SLFN12L: variants seen among roughly 807,000 people sequenced by gnomAD.
SLFN12L encodes schlafen family member 12 like.
SLFN12L carries 34 observed loss-of-function variants against 34.8 expected under a neutral mutation model. The ratio of observed to expected loss-of-function variants is 0.98; its 90% CI spans 0.74 to 1.30. SLFN12L has a LOEUF of 1.30. Ranked by LOEUF, SLFN12L falls within the 50% of genes most tolerant of loss-of-function variation. The pLI, the probability that SLFN12L is intolerant of heterozygous loss-of-function variation, is 0.00. For synonymous variants in SLFN12L, 259 were observed against 247.5 expected (o/e 1.05, Z -0.44); for missense variants, 703 against 696.2 (o/e 1.01, Z -0.11).
chr17:35,530,642 A>T (rs1351852765), intron 1 of SLFN12L, among the ~76,000 whole-genome samples: 1 of 152,024 alleles, frequency 6.6e-6, no homozygotes, highest in Non-Finnish European at 1.5e-5. Flanking sequence ...GGACGTGGTA[A>T]ATCTGACAAA....
At chr17:35,495,063 C>T (rs1914997499) in intron 2 of SLFN12L, among the ~76,000 whole-genome samples, 1 of 151,938 alleles carries the variant, frequency 6.6e-6, no homozygotes, top group African/African-American at 2.4e-5. Context: ...CACACTGGCT[C>T]ATTTTTGTTT....
intron 2 of SLFN12L, among the ~76,000 whole-genome samples, chr17:35,495,962 C>T (rs922515973): frequency 1.3e-5 from 2 of 150,958 alleles, no homozygotes; most frequent in Admixed American, 6.6e-5. Flanking sequence ...AACGCCAAGA[C>T]GTGCCAGTGT....
intron 2 of SLFN12L, among the ~76,000 whole-genome samples, chr17:35,521,355 G>A (rs532887586): frequency 9.6e-4 from 146 of 152,352 alleles, no homozygotes; most frequent in African/African-American, 3.3e-3. Flanking sequence ...ATGTGGTAAT[G>A]AAAGAGGGAA....
chr17:35,535,252 G>A (rs1174945430), intron 1 of SLFN12L, among the ~76,000 whole-genome samples: 3 of 148,832 alleles, frequency 2.0e-5, no homozygotes, highest in African/African-American at 7.5e-5. Context: ...GTGCAATGGC[G>A]TGATCTCGGC....
At chr17:35,530,436 GAAGGGAAGAAAGAAAGAAAGA>G (rs2072390164) in intron 1 of SLFN12L, among the ~76,000 whole-genome samples, 1 of 8,840 alleles carries the variant, frequency 1.1e-4, no homozygotes, top group Non-Finnish European at 2.3e-4. Context: ...GAAGGGAAGG[GAAGGGAAGAAAGAAAGAAAGA>G]AAGAAAGAAA....
chr17:35,479,846 G>C lies in SLFN12L; in HGVS notation c.436C>G (p.His146Asp). Residue 146 changes from histidine (H) to aspartate (D), a missense_variant, in exon 3 of 5, where the codon CAC becomes GAC. By Grantham distance (81) the His-to-Asp change is moderately conservative (BLOSUM62 -1). Transcript: ENST00000628453. Reference sequence around the variant, plus strand: ...AAGCTCCATGATTTCACAAAAATGTGAAAGTAGTTACCATTCTGCATGAAG... The same window carrying C: ...AAGCTCCATGATTTCACAAAAATGTCAAAGTAGTTACCATTCTGCATGAAG... ...LDFMQNGNYF[H>D]IFVKSWSLET... 6.2e-7 allele frequency: 1 copy of C among 1,606,494 alleles called. No homozygotes were observed. Among genetic ancestry groups the C allele is most frequent in the Non-Finnish European group, 8.5e-7 (1 of 1,175,730 alleles).
Position 35,498,299 on chromosome 17 carries a change from C to T in SLFN12L, c.87-18104G>A, listed in dbSNP as rs1373176927. 9.7e-6 allele frequency: 8 copies of T among 821,488 alleles called. No homozygotes were observed. In the African/African-American group the frequency reaches 1.0e-4, roughly 10 times the overall value. 50.9% of individuals were successfully genotyped at this position (821,488 alleles called of 1,614,324 possible). ...GGCAGTACGTGGACTCAGACGGTCC[C>T]CTGAAGCAAGGACTGCGGCTGCCAC... On this transcript the variant is annotated intron_variant, in intron 2 of 4. Transcript: ENST00000628453.
At chr17:35,496,335 T>C (rs1915073144) in intron 2 of SLFN12L, among the ~76,000 whole-genome samples, 1 of 151,770 alleles carries the variant, frequency 6.6e-6, no homozygotes, top group African/African-American at 2.4e-5. Context: ...GCGACAAGAG[T>C]GAGACCCACT....
chr17:35,499,001 T>C (rs1915197479), intron 2 of SLFN12L: 1 of 710,266 alleles, frequency 1.4e-6, no homozygotes, highest in African/African-American at 1.8e-5. Flanking sequence ...TCTGCTTCTA[T>C]AACACCTAGC....
chr17:35,509,135 T>C (rs1385742520), intron 2 of SLFN12L, among the ~76,000 whole-genome samples: 1 of 152,076 alleles, frequency 6.6e-6, no homozygotes, highest in Non-Finnish European at 1.5e-5. Flanking sequence ...ATATGAGCAA[T>C]TATGACAGCC....
intron 2 of SLFN12L, chr17:35,498,548 T>G: frequency 7.2e-7 from 1 of 1,390,360 alleles, no homozygotes; most frequent in African/African-American, 1.4e-5. Flanking sequence ...TCCAGAACAG[T>G]CCAAAAAGTA....
At chr17:35,490,438 G>C in intron 2 of SLFN12L, 1 of 1,151,394 alleles carries the variant, frequency 8.7e-7, no homozygotes, top group African/African-American at 1.5e-5. Context: ...TTTGAACAAG[G>C]CAGCGGAAGT....
chr17:35,527,100 G>GA (rs1167733459), intron 1 of SLFN12L, among the ~76,000 whole-genome samples: 1 of 152,174 alleles, frequency 6.6e-6, no homozygotes, highest in Non-Finnish European at 1.5e-5. Flanking sequence ...AAATAAACTA[G>GA]AAAATCTAGA....
At chr17:35,502,794 A>C (rs963571950) in intron 2 of SLFN12L, among the ~76,000 whole-genome samples, 1 of 152,200 alleles carries the variant, frequency 6.6e-6, no homozygotes, top group Admixed American at 6.5e-5. Context: ...CACAGACATA[A>C]AGGAAGTTTG....
At chr17:35,527,334 G>C (rs1040723297) in intron 1 of SLFN12L, among the ~76,000 whole-genome samples, 1 of 152,186 alleles carries the variant, frequency 6.6e-6, no homozygotes, top group Non-Finnish European at 1.5e-5. Flanking sequence ...AATAGAAAAA[G>C]AGGGAATCCT....
chr17:35,504,974 G>C (rs1353765994), intron 2 of SLFN12L, among the ~76,000 whole-genome samples: 1 of 152,114 alleles, frequency 6.6e-6, no homozygotes, highest in Non-Finnish European at 1.5e-5. Flanking sequence ...CAACCAGAGG[G>C]AGGAAAAATA....
At chr17:35,494,565 A>G (rs1914969338) in intron 2 of SLFN12L, among the ~76,000 whole-genome samples, 2 of 152,254 alleles carry the variant, frequency 1.3e-5, no homozygotes, top group Admixed American at 1.3e-4. Context: ...TAAGGCACAC[A>G]GAGCTGAAGA....
rs1406175068 is a variant in SLFN12L at position 35,474,685 on chromosome 17, AC to A, written c.*237del. 4 of 359,674 alleles carry A rather than the reference AC, an allele frequency of 1.1e-5. No individual in the cohort carries two copies. The highest frequency in any genetic ancestry group is 1.1e-4 in the East Asian group (2 of 18,606). The allele number at this position is 359,674 out of a possible 1,614,324, so 22.3% of individuals were successfully genotyped here. A position where few individuals can be genotyped will look rare whatever the true frequency, so the allele number is the denominator to read the frequency against. ...ATCTGTACTCCTAGCACTTTGGGAGACCGGGGGGGGGGGTTGAATCACGAGG... is the reference window on the plus strand; with the variant it reads ...ATCTGTACTCCTAGCACTTTGGGAGACGGGGGGGGGGGTTGAATCACGAGG... On this transcript the variant is annotated 3_prime_UTR_variant, in exon 5 of 5. Coordinates refer to ENST00000628453, the MANE Select transcript of SLFN12L (RefSeq NM_001363830.2).
At chr17:35,534,389 T>C (rs1486751421) in intron 1 of SLFN12L, among the ~76,000 whole-genome samples, 2 of 151,868 alleles carry the variant, frequency 1.3e-5, no homozygotes, top group East Asian at 1.9e-4. Context: ...TGGGAAGCCA[T>C]TGGAGGTTGT....
Sources: gnomAD v4.1 joint callset for allele counts (sites outside exome capture counted in the v4.1 genomes callset) on GRCh38, gnomAD v4.1.1 for gene constraint, MANE v1.5 for transcripts, NCBI Gene and HGNC (gene_info 2026-07-23, HGNC 2026-07-21) for gene names.